ANKRD36C: variants seen among roughly 807,000 people sequenced by gnomAD.
The protein encoded by ANKRD36C is ankyrin repeat domain 36C, also known as ankyrin repeat domain-containing protein 36C.
ANKRD36C carries 61 observed loss-of-function variants against 276.4 expected under a neutral mutation model. The ratio of observed to expected loss-of-function variants is 0.22; its 90% confidence interval spans 0.18 to 0.27. ANKRD36C has a LOEUF of 0.27. ANKRD36C is among the 10% of genes least tolerant of loss of function. The probability of loss-of-function intolerance (pLI) is 1.00; values close to 1 mark genes in which losing one functional copy is unlikely to be tolerated. For missense variants in ANKRD36C, 1,447 were observed against 2,032.3 expected (o/e 0.71, Z 5.54); for synonymous variants, 483 against 680.1 (o/e 0.71, Z 4.51).
At chr2:95,973,190 GA>G (rs1394993666) in intron 6 of ANKRD36C, among the ~76,000 whole-genome samples, 2 of 152,048 alleles carry the variant, frequency 1.3e-5, no homozygotes, top group African/African-American at 4.8e-5. Flanking sequence ...GGGGCGGGCG[GA>G]TCACAAGGTC....
rs1027788355 is a variant in ANKRD36C at position 95,984,472 on chromosome 2, C to T, written c.487-2110G>A. Among the ~76,000 whole-genome samples the T allele has an allele frequency of 1.5e-4, 23 of 152,346 alleles. 1 individual carries two copies. Among genetic ancestry groups the T allele is most frequent in the Non-Finnish European group, 7.3e-5 (5 of 68,036 alleles). On this transcript the variant is annotated intron_variant, in intron 3 of 66. Transcript: ENST00000456556. ...GCAAACTAAACACATCTATGGGACA[C>T]ATTTGGACTATAGACCTTGTATTTT...
At chr2:95,910,289 C>G (rs1339838886) in intron 42 of ANKRD36C, 84 bp downstream of exon 46, 1 of 1,409,808 alleles carries the variant, frequency 7.1e-7, no homozygotes, top group South Asian at 1.3e-5. Context: ...GCAGCTTCGA[C>G]GAGCCACCCG....
chr2:95,944,068 C>T (rs776443232), intron 19 of ANKRD36C, among the ~76,000 whole-genome samples: 5 of 152,024 alleles, frequency 3.3e-5, no homozygotes, highest in Non-Finnish European at 5.9e-5. Flanking sequence ...TAAAATCACC[C>T]GTAAGTCACT....
intron 56 of ANKRD36C, 72 bp from the exon 77 acceptor site, chr2:95,880,695 T>C: frequency 6.6e-7 from 1 of 1,507,356 alleles, no homozygotes; most frequent in Non-Finnish European, 9.0e-7. Context: ...TTGTGGAGTG[T>C]TAACATCAAA....
intron 44 of ANKRD36C, among the ~76,000 whole-genome samples, chr2:95,896,630 T>C (rs1236132361): frequency 6.9e-6 from 1 of 144,242 alleles, no homozygotes; most frequent in Non-Finnish European, 1.5e-5. Context: ...TGAGTCAGTG[T>C]GGTGGTGTAT....
intron 8 of ANKRD36C, 117 bp downstream of exon 8, chr2:95,962,235 C>A (rs1364440342): frequency 4.8e-6 from 6 of 1,251,878 alleles, no homozygotes; most frequent in African/African-American, 3.1e-5. Context: ...AAAGCAGAAT[C>A]TCAGGCCTGC....
chr2:95,925,092 C>T (rs1006434208), intron 30 of ANKRD36C, among the ~76,000 whole-genome samples: 3 of 151,670 alleles, frequency 2.0e-5, no homozygotes, highest in South Asian at 4.1e-4. Context: ...TGCTGTCCTC[C>T]GATCCTCTTA....
intron 59 of ANKRD36C, among the ~76,000 whole-genome samples, chr2:95,873,718 G>A (rs1161117010): frequency 6.6e-6 from 1 of 152,176 alleles, no homozygotes; most frequent in African/African-American, 2.4e-5. Context: ...TATTCAATTA[G>A]GAAAAGAGGA....
chr2:95,848,959 C>T (rs1675230844), downstream of ANKRD36C: 1 of 411,012 alleles, frequency 2.4e-6, no homozygotes, highest in Non-Finnish European at 4.7e-6. Context: ...TTAATAAATA[C>T]TTTTGCATGT....
chr2:95,914,372 GT>G (rs1250854030), intron 38 of ANKRD36C, 69 bp from the exon 41 acceptor site: 1 of 1,514,774 alleles, frequency 6.6e-7, no homozygotes, highest in African/African-American at 1.4e-5. Context: ...CATTCATGCA[GT>G]GTTAGCATCA....
intron 61 of ANKRD36C, among the ~76,000 whole-genome samples, chr2:95,857,868 T>C (rs543658868): frequency 3.4e-5 from 5 of 148,514 alleles, no homozygotes; most frequent in East Asian, 1.9e-4. Context: ...TTGGGTCTGA[T>C]AAGAAACATT....
chr2:95,909,668 G>A (rs371255452), intron 42 of ANKRD36C, among the ~76,000 whole-genome samples: 2,070 of 146,932 alleles, frequency 0.014, 26 homozygotes, highest in Non-Finnish European at 0.025. Context: ...TCTCATTTCT[G>A]TAACTAAAAT....
intron 15 of ANKRD36C, among the ~76,000 whole-genome samples, 193 bp downstream of exon 15, chr2:95,951,155 C>A (rs977077661): frequency 1.3e-5 from 2 of 152,308 alleles, no homozygotes; most frequent in Non-Finnish European, 2.9e-5. Context: ...CGCCTGTAAT[C>A]CCAGCTACTC....
chr2:95,952,879 C>T (rs1364112999), intron 14 of ANKRD36C, among the ~76,000 whole-genome samples: 1 of 152,264 alleles, frequency 6.6e-6, no homozygotes, highest in South Asian at 2.1e-4. Flanking sequence ...TCTGTGTATT[C>T]CAGGAAACAT....
chr2:95,894,563 G>T (rs1676479792), intron 44 of ANKRD36C, among the ~76,000 whole-genome samples: 1 of 151,260 alleles, frequency 6.6e-6, no homozygotes, highest in African/African-American at 2.4e-5. Flanking sequence ...CATAATTTTT[G>T]TCTCTAAAAG....
At chr2:95,893,494 C>G in intron 44 of ANKRD36C, 39 bp downstream of exon 64, 1 of 1,535,044 alleles carries the variant, frequency 6.5e-7, no homozygotes, top group Non-Finnish European at 8.8e-7. Flanking sequence ...TCTTATCTAT[C>G]TGGACTGAAC....
chr2:95,987,298 T>C, intron 1 of ANKRD36C, 92 bp from the exon 2 acceptor site: 1 of 1,479,146 alleles, frequency 6.8e-7, no homozygotes. Flanking sequence ...TGTAATTTTC[T>C]TGTGAAGAAA....
chr2:95,890,976 A>T (rs35542861), intron 46 of ANKRD36C, among the ~76,000 whole-genome samples: 1 of 151,494 alleles, frequency 6.6e-6, no homozygotes, highest in East Asian at 1.9e-4. Flanking sequence ...ACAATCAACA[A>T]AATACGTATC....
chr2:95,902,908 C>T, intron 42 of ANKRD36C: 1 of 1,585,976 alleles, frequency 6.3e-7, no homozygotes, highest in Non-Finnish European at 8.6e-7. Context: ...TTTCTCCATA[C>T]TTTTTTCCTC....
Sources: allele counts gnomAD v4.1 joint callset (sites outside exome capture counted in the v4.1 genomes callset), GRCh38; gene constraint gnomAD v4.1.1; transcripts MANE v1.5; gene names NCBI Gene and HGNC (gene_info 2026-07-23, HGNC 2026-07-21).